MED13L: variants seen among roughly 807,000 people sequenced by gnomAD.
MED13L encodes the protein mediator complex subunit 13L, also known as mediator of RNA polymerase II transcription subunit 13-like.
A neutral mutation model predicts 220.9 loss-of-function variants in MED13L; 7 were observed. The observed-to-expected ratio is 0.03, with a 90% CI of 0.02 to 0.06. MED13L has a LOEUF of 0.06. MED13L is among the 10% of genes least tolerant of loss of function. The probability of loss-of-function intolerance (pLI) is 1.00; values close to 1 mark genes in which losing one functional copy is unlikely to be tolerated. For missense variants in MED13L, 1,965 were observed against 2,760.5 expected, an observed-to-expected ratio of 0.71 and a Z score of 6.46; for synonymous variants, 1,011 against 1,015.2, an observed-to-expected ratio of 1.00 and a Z score of 0.08.
intron 2 of MED13L, among the ~76,000 whole-genome samples, chr12:116,235,262 A>G (rs1214277579): frequency 6.6e-6 from 1 of 152,202 alleles, no homozygotes; most frequent in Non-Finnish European, 1.5e-5. Context: ...CTCAAAATTC[A>G]TATTAAAAAG....
intron 7 of MED13L, among the ~76,000 whole-genome samples, chr12:116,016,563 T>C (rs922226345): frequency 1.3e-5 from 2 of 152,140 alleles, no homozygotes; most frequent in Non-Finnish European, 2.9e-5. Flanking sequence ...CATCCTATGA[T>C]ATAGCTAAAG....
intron 3 of MED13L, among the ~76,000 whole-genome samples, chr12:116,107,778 T>A (rs1447267550): frequency 1.3e-5 from 2 of 152,178 alleles, no homozygotes; most frequent in African/African-American, 4.8e-5. Context: ...AGTGATAAAG[T>A]CCTTGATGAT....
rs1555247737 is a variant in MED13L at position 116,007,645 on chromosome 12, C to CCAAA, written c.2013-10_2013-9insTTTG. 5 of 759,926 alleles carry CCAAA rather than the reference C, an allele frequency of 6.6e-6. No homozygotes were observed. The African/African-American group carries it at 1.1e-4, about 16-fold the overall frequency. 47.1% of individuals were successfully genotyped at this position (759,926 alleles called of 1,614,324 possible). On this transcript the variant is annotated splice_polypyrimidine_tract_variant and intron_variant, in intron 10 of 30. Transcript: ENST00000281928. Reference sequence around the variant, plus strand: ...TAGGTTGTGCTAAGAGTCTAAAAGACAAAAAAAAAAAAAAAAAAAAGAGCA... The same window carrying CCAAA: ...TAGGTTGTGCTAAGAGTCTAAAAGACCAAAAAAAAAAAAAAAAAAAAAAAGAGCA...
chr12:116,102,710 C>CTTTTTTTTTTT (rs869201518), intron 3 of MED13L, among the ~76,000 whole-genome samples: 114 of 68,668 alleles, frequency 1.7e-3, no homozygotes, highest in African/African-American at 2.5e-3. Flanking sequence ...TTTCTTTTTT[C>CTTTTTTTTTTT]TTTTTTTTTT....
rs374370632 is a variant in MED13L at position 116,255,111 on chromosome 12, C to T, written c.73-17406G>A. On this transcript the variant is annotated intron_variant, in intron 1 of 30. Coordinates refer to ENST00000281928, the MANE Select transcript of MED13L (RefSeq NM_015335.5). ...AATACAATTTTTAAAAGAACAAAGT[C>T]GGAGAATTTATCCTAATTTCAAGAC... Among the ~76,000 whole-genome samples, 21 of 152,158 alleles carry T rather than the reference C, an allele frequency of 1.4e-4. No homozygotes were observed. The East Asian group carries it at 2.3e-3, about 17-fold the overall frequency.
At chr12:115,985,760 G>A (rs1877647670) in intron 19 of MED13L, among the ~76,000 whole-genome samples, 1 of 152,102 alleles carries the variant, frequency 6.6e-6, no homozygotes, top group African/African-American at 2.4e-5. Flanking sequence ...CAAAGTTTCA[G>A]TATTAAGATG....
chr12:116,015,373 G>T, intron 7 of MED13L, 99 bp from the exon 8 acceptor site: 1 of 1,294,250 alleles, frequency 7.7e-7, no homozygotes, highest in Non-Finnish European at 1.1e-6. Context: ...TTTAATTGTT[G>T]AAAGTCATAT....
chr12:116,236,003 G>A (rs1206260141), intron 2 of MED13L, among the ~76,000 whole-genome samples: 1 of 151,758 alleles, frequency 6.6e-6, no homozygotes, highest in Non-Finnish European at 1.5e-5. Context: ...TACTACATAG[G>A]GAAAAAAAGT....
At chr12:116,272,654 T>C (rs1322217530) in intron 1 of MED13L, among the ~76,000 whole-genome samples, 1 of 152,202 alleles carries the variant, frequency 6.6e-6, no homozygotes, top group Non-Finnish European at 1.5e-5. Flanking sequence ...TTGCCCATTC[T>C]TCTCACAAAG....
At chr12:116,237,897 T>C (rs1002142076) in intron 1 of MED13L, among the ~76,000 whole-genome samples, 192 bp from the exon 2 acceptor site, 1 of 152,228 alleles carries the variant, frequency 6.6e-6, no homozygotes, top group Non-Finnish European at 1.5e-5. Flanking sequence ...TCTATCAAGA[T>C]TTCTACATAG....
intron 1 of MED13L, among the ~76,000 whole-genome samples, chr12:116,260,145 G>C (rs555381385): frequency 5.5e-4 from 84 of 152,294 alleles, no homozygotes; most frequent in African/African-American, 1.8e-3. Flanking sequence ...CACTTGGAGA[G>C]AAAGTAAAGA....
At chr12:116,177,166 A>G (rs925403912) in intron 2 of MED13L, among the ~76,000 whole-genome samples, 2 of 152,006 alleles carry the variant, frequency 1.3e-5, no homozygotes, top group Non-Finnish European at 2.9e-5. Flanking sequence ...CAACACCGAA[A>G]TCTTGAAACA....
chr12:116,155,968 T>A (rs1266677942), intron 2 of MED13L, among the ~76,000 whole-genome samples: 1 of 152,012 alleles, frequency 6.6e-6, no homozygotes, highest in African/African-American at 2.4e-5. Flanking sequence ...ATTGTGTATA[T>A]AAATTTATAC....
chr12:116,109,876 T>C (rs926578503), intron 3 of MED13L, among the ~76,000 whole-genome samples: 1 of 152,170 alleles, frequency 6.6e-6, no homozygotes, highest in Non-Finnish European at 1.5e-5. Context: ...GGAGCTAAAG[T>C]TGAGAATGAG....
chr12:116,167,025 T>A (rs905962707), intron 2 of MED13L, among the ~76,000 whole-genome samples: 1 of 152,184 alleles, frequency 6.6e-6, no homozygotes, highest in Non-Finnish European at 1.5e-5. Context: ...TCTTCATACA[T>A]GACCCCATAA....
Position 116,116,858 on chromosome 12 carries a change from T to C in MED13L, c.311-5346A>G, listed in dbSNP as rs1874566966. ...TTGGTCACAGAAGTGTTTTGTGTTG[T>C]GAGAGTACATGAGAAAAAGAGTTTG... is the stretch of plus-strand genomic sequence containing the variant. On this transcript the variant is annotated intron_variant, in intron 2 of 30. Transcript: ENST00000281928. Among the ~76,000 whole-genome samples the C allele has an allele frequency of 4.0e-5, 6 of 151,394 alleles. No individual in the cohort carries two copies. In the South Asian group the frequency reaches 1.3e-3, roughly 32 times the overall value.
chr12:116,214,682 A>C (rs922971101), intron 2 of MED13L, among the ~76,000 whole-genome samples: 4 of 152,200 alleles, frequency 2.6e-5, no homozygotes, highest in African/African-American at 9.6e-5. Flanking sequence ...AGGGGTAAGA[A>C]TGACTGGCTC....
chr12:116,124,845 G>A (rs1875439094), intron 2 of MED13L, among the ~76,000 whole-genome samples: 1 of 152,200 alleles, frequency 6.6e-6, no homozygotes, highest in African/African-American at 2.4e-5. Flanking sequence ...GCAATCTTCT[G>A]TTGGTTTACA....
chr12:116,007,643 GACAA>G lies in MED13L; in HGVS notation c.2013-11_2013-8del. 2.1e-5 allele frequency: 6 copies of G among 290,120 alleles called. No individual in the cohort carries two copies. Among genetic ancestry groups the G allele is most frequent in the Admixed American group, 1.0e-4 (1 of 9,636 alleles). 18.0% of individuals were successfully genotyped at this position (290,120 alleles called of 1,614,324 possible). ...GTTAGGTTGTGCTAAGAGTCTAAAA[GACAA>G]AAAAAAAAAAAAAAAAAAGAGCATT... is the stretch of plus-strand genomic sequence containing the variant. On this transcript the variant is annotated splice_polypyrimidine_tract_variant and splice_region_variant and intron_variant, in intron 10 of 30. Coordinates refer to ENST00000281928, the MANE Select transcript of MED13L (RefSeq NM_015335.5).
Sources: allele counts gnomAD v4.1 joint callset (sites outside exome capture counted in the v4.1 genomes callset), GRCh38; gene constraint gnomAD v4.1.1; transcripts MANE v1.5; gene names NCBI Gene and HGNC (gene_info 2026-07-23, HGNC 2026-07-21).